Variants in MTSS1 observed in about 807,000 individuals in gnomAD.
The protein encoded by MTSS1 is protein MTSS 1.
Under a neutral mutation model 79.0 loss-of-function variants are expected in MTSS1, and 18 were observed. That is an observed-to-expected ratio of 0.23 (90% CI 0.16 to 0.34). The LOEUF (loss-of-function observed/expected upper bound fraction) is 0.34. MTSS1 is among the 10% of genes least tolerant of loss of function. The pLI, the probability that MTSS1 is intolerant of heterozygous loss-of-function variation, is 1.00. For missense variants in MTSS1, 815 were observed against 986.2 expected (o/e 0.83, Z 2.33); for synonymous variants, 341 against 368.6 (o/e 0.93, Z 0.86).
intron 3 of MTSS1, 110 bp downstream of exon 3, chr8:124,699,416 G>T: frequency 1.1e-6 from 1 of 921,942 alleles, no homozygotes; most frequent in South Asian, 1.6e-5. Context: ...GAAAATACGA[G>T]TCAGCTCAGC....
chr8:124,552,904 T>C lies in MTSS1; in HGVS notation c.*88A>G. ...TATTCCGAGTTGCCTACAAAATCTTTTGTTTTATTATAGAGTGGAATGGAT... is the reference window on the plus strand; with the variant it reads ...TATTCCGAGTTGCCTACAAAATCTTCTGTTTTATTATAGAGTGGAATGGAT... On this transcript the variant is annotated 3_prime_UTR_variant, in exon 14 of 14. Coordinates refer to ENST00000518547, the MANE Select transcript of MTSS1 (RefSeq NM_014751.6). 1.5e-6 allele frequency: 2 copies of C among 1,365,268 alleles called. No homozygotes were observed. The highest frequency in any genetic ancestry group is 2.0e-6 in the Non-Finnish European group (2 of 999,748). 84.6% of individuals were successfully genotyped at this position (1,365,268 alleles called of 1,614,324 possible).
At chr8:124,697,426 G>A (rs1260716187) in intron 3 of MTSS1, among the ~76,000 whole-genome samples, 2 of 152,078 alleles carry the variant, frequency 1.3e-5, no homozygotes, top group Non-Finnish European at 2.9e-5. Context: ...CGGGCGTGGT[G>A]GCACATGCCT....
intron 8 of MTSS1, 93 bp from the exon 9 acceptor site, chr8:124,565,852 C>G: frequency 9.4e-7 from 1 of 1,058,320 alleles, no homozygotes; most frequent in South Asian, 1.6e-5. Flanking sequence ...CAAAACGCTG[C>G]CATCGTGGGG....
At chr8:124,638,554 A>G (rs1177322465) in intron 3 of MTSS1, among the ~76,000 whole-genome samples, 1 of 152,248 alleles carries the variant, frequency 6.6e-6, no homozygotes, top group African/African-American at 2.4e-5. Context: ...GTACAGTGTC[A>G]GGAAACCGGA....
intron 3 of MTSS1, among the ~76,000 whole-genome samples, chr8:124,671,051 C>T (rs60160035): frequency 0.39 from 56,647 of 145,148 alleles, 11,308 homozygotes; most frequent in South Asian, 0.61. Flanking sequence ...TTTTCTTTTT[C>T]TTTTTTTCCT....
At chr8:124,726,036 C>G (rs1833650331) in intron 1 of MTSS1, among the ~76,000 whole-genome samples, 1 of 152,110 alleles carries the variant, frequency 6.6e-6, no homozygotes, top group South Asian at 2.1e-4. Flanking sequence ...CTGAACAAAC[C>G]TACTAAACTC....
intron 6 of MTSS1, among the ~76,000 whole-genome samples, chr8:124,581,110 A>G (rs928375114): frequency 1.3e-5 from 2 of 152,188 alleles, no homozygotes; most frequent in African/African-American, 4.8e-5. Context: ...AACTATTTAC[A>G]TGTCAGCTGT....
At chr8:124,725,674 T>C (rs1833596095) in intron 1 of MTSS1, among the ~76,000 whole-genome samples, 1 of 152,256 alleles carries the variant, frequency 6.6e-6, no homozygotes, top group Non-Finnish European at 1.5e-5. Context: ...TATTAAAAAC[T>C]GACTTTTGTT....
intron 3 of MTSS1, among the ~76,000 whole-genome samples, chr8:124,647,276 T>C (rs1819171453): frequency 6.6e-6 from 1 of 152,254 alleles, no homozygotes; most frequent in East Asian, 1.9e-4. Flanking sequence ...TTAGAGTTTT[T>C]TTATGAAATA....
intron 3 of MTSS1, among the ~76,000 whole-genome samples, chr8:124,650,189 C>T (rs1415716685): frequency 6.6e-6 from 1 of 152,100 alleles, no homozygotes; most frequent in Non-Finnish European, 1.5e-5. Flanking sequence ...CACCACCACG[C>T]CCAGCTAATT....
intron 6 of MTSS1, among the ~76,000 whole-genome samples, chr8:124,573,414 G>A (rs1451350492): frequency 6.6e-6 from 1 of 152,188 alleles, no homozygotes; most frequent in Non-Finnish European, 1.5e-5. Context: ...CACTACCCCC[G>A]GTTTGAATTT....
chr8:124,636,509 C>A (rs548203471), intron 3 of MTSS1, among the ~76,000 whole-genome samples: 1 of 152,296 alleles, frequency 6.6e-6, no homozygotes, highest in South Asian at 2.1e-4. Flanking sequence ...AGGTCATTAA[C>A]TGAGGGAGCT....
chr8:124,699,430 GA>G (rs1268914210), intron 3 of MTSS1, 95 bp downstream of exon 3: 39 of 571,136 alleles, frequency 6.8e-5, no homozygotes, highest in Non-Finnish European at 9.6e-5. Context: ...GCTCAGCTCT[GA>G]TAACTTAAGC....
chr8:124,593,587 G>C (rs987733424), intron 3 of MTSS1, among the ~76,000 whole-genome samples: 1 of 152,216 alleles, frequency 6.6e-6, no homozygotes, highest in African/African-American at 2.4e-5. Flanking sequence ...TAAAACACTG[G>C]AGAACAACGT....
At chr8:124,653,193 C>T (rs188991858) in intron 3 of MTSS1, among the ~76,000 whole-genome samples, 7 of 152,330 alleles carry the variant, frequency 4.6e-5, no homozygotes, top group African/African-American at 1.7e-4. Flanking sequence ...CCCAGACCAA[C>T]CAATTCCTGT....
At chr8:124,640,653 C>T (rs879859759) in intron 3 of MTSS1, among the ~76,000 whole-genome samples, 3 of 152,230 alleles carry the variant, frequency 2.0e-5, no homozygotes, top group Non-Finnish European at 4.4e-5. Context: ...AAGCTATTCT[C>T]TTGCCTCAGC....
At chr8:124,664,779 T>C (rs1822751054) in intron 3 of MTSS1, among the ~76,000 whole-genome samples, 1 of 152,166 alleles carries the variant, frequency 6.6e-6, no homozygotes, top group African/African-American at 2.4e-5. Context: ...ACTACCACCG[T>C]CACCACCACC....
chr8:124,695,989 T>C (rs914788090), intron 3 of MTSS1, among the ~76,000 whole-genome samples: 1 of 152,034 alleles, frequency 6.6e-6, no homozygotes, highest in Non-Finnish European at 1.5e-5. Flanking sequence ...TATATATTTA[T>C]TTCAATTTTT....
intron 3 of MTSS1, among the ~76,000 whole-genome samples, chr8:124,604,749 C>T (rs1292832050): frequency 6.6e-6 from 1 of 152,140 alleles, no homozygotes; most frequent in Admixed American, 6.5e-5. Flanking sequence ...CCATTGTGCC[C>T]ACACACAGGG....
Sources: gnomAD v4.1 joint callset for allele counts (sites outside exome capture counted in the v4.1 genomes callset) on GRCh38, gnomAD v4.1.1 for gene constraint, MANE v1.5 for transcripts, NCBI Gene and HGNC (gene_info 2026-07-23, HGNC 2026-07-21) for gene names.